LSAMP: variants seen among roughly 807,000 people sequenced by gnomAD.
LSAMP encodes the protein limbic system-associated membrane protein.
LSAMP carries 7 observed loss-of-function variants against 38.6 expected under a neutral mutation model. The observed-to-expected ratio is 0.18, with a 90% CI of 0.10 to 0.34. The LOEUF is 0.34. Ranked by LOEUF, LSAMP falls within the 10% of genes least tolerant of loss-of-function variation. LSAMP has a pLI of 1.00. For synonymous variants in LSAMP, 154 were observed against 166.8 expected (o/e 0.92, Z 0.59); for missense variants, 313 against 420.0 (o/e 0.75, Z 2.23).
intron 1 of LSAMP, among the ~76,000 whole-genome samples, chr3:116,243,159 G>C (rs1187119924): frequency 1.3e-5 from 2 of 152,174 alleles, no homozygotes; most frequent in South Asian, 2.1e-4. Flanking sequence ...ATGCACGTCT[G>C]TCCTGGGGAT....
At chr3:116,299,363 C>T (rs942840031) in intron 1 of LSAMP, among the ~76,000 whole-genome samples, 1 of 152,142 alleles carries the variant, frequency 6.6e-6, no homozygotes, top group Non-Finnish European at 1.5e-5. Context: ...GCAAATATTA[C>T]GAAAACACTG....
chr3:115,984,297 C>G (rs999582297), intron 3 of LSAMP, among the ~76,000 whole-genome samples: 1 of 151,948 alleles, frequency 6.6e-6, no homozygotes, highest in South Asian at 2.1e-4. Context: ...ATATTAAAAT[C>G]GTTTATTTTG....
At chr3:115,905,590 C>T (rs968004221) in intron 3 of LSAMP, among the ~76,000 whole-genome samples, 4 of 152,026 alleles carry the variant, frequency 2.6e-5, no homozygotes, top group Non-Finnish European at 5.9e-5. Context: ...TGATCCTTTG[C>T]TACTGAGTCA....
intron 1 of LSAMP, among the ~76,000 whole-genome samples, chr3:116,401,455 T>C (rs1448542932): frequency 6.6e-6 from 1 of 152,146 alleles, no homozygotes; most frequent in South Asian, 2.1e-4. Context: ...CTAATCTTTG[T>C]ATAATTTGTA....
At chr3:116,416,742 A>G (rs1285654424) in intron 1 of LSAMP, among the ~76,000 whole-genome samples, 1 of 151,930 alleles carries the variant, frequency 6.6e-6, no homozygotes, top group Admixed American at 6.5e-5. Flanking sequence ...GTGATTTATC[A>G]CCTCCTGGGT....
chr3:116,175,450 G>A (rs67853012), intron 1 of LSAMP, among the ~76,000 whole-genome samples: 18 of 151,674 alleles, frequency 1.2e-4, no homozygotes, highest in Admixed American at 3.3e-4. Flanking sequence ...AACTATAGTC[G>A]TCCTACAATG....
intron 1 of LSAMP, among the ~76,000 whole-genome samples, chr3:116,101,989 C>A (rs1469880941): frequency 6.6e-6 from 1 of 152,188 alleles, no homozygotes; most frequent in Non-Finnish European, 1.5e-5. Flanking sequence ...AATCAGTTTT[C>A]TCACTGATCT....
At chr3:116,129,098 C>T (rs552842090) in intron 1 of LSAMP, among the ~76,000 whole-genome samples, 1 of 152,034 alleles carries the variant, frequency 6.6e-6, no homozygotes, top group Non-Finnish European at 1.5e-5. Flanking sequence ...ATTTATGATA[C>T]CCCTTGAAAA....
chr3:116,208,667 G>A (rs2046104865), intron 1 of LSAMP, among the ~76,000 whole-genome samples: 4 of 152,268 alleles, frequency 2.6e-5, no homozygotes, highest in South Asian at 2.1e-4. Flanking sequence ...GCCGTGTGAG[G>A]TGTCAGTGTG....
rs552596431 is a variant in LSAMP, at chr3:116,336,775, C to A, written c.155+108102G>T. Among the ~76,000 whole-genome samples, 25 of 151,900 alleles carry A rather than the reference C, an allele frequency of 1.6e-4. 1 individual carries two copies. Among genetic ancestry groups the A allele is most frequent in the African/African-American group, 6.0e-4 (25 of 41,486 alleles). ...AAAATAGAATTACCATATGAAAATG[C>A]AATTCCACTTCTAGGTATAAACTCA... On this transcript the variant is annotated intron_variant, in intron 1 of 6. Transcript: ENST00000490035.
intron 3 of LSAMP, among the ~76,000 whole-genome samples, chr3:115,929,019 G>T (rs534658244): frequency 7.4e-6 from 1 of 136,026 alleles, no homozygotes; most frequent in Non-Finnish European, 1.5e-5. Flanking sequence ...GTTAGGTAGC[G>T]CTTAGCTGTA....
intron 1 of LSAMP, among the ~76,000 whole-genome samples, chr3:116,266,090 C>T (rs953974031): frequency 6.6e-6 from 1 of 152,150 alleles, no homozygotes; most frequent in Non-Finnish European, 1.5e-5. Context: ...TCCCCAGGGT[C>T]ACAATTACTT....
At chr3:115,891,744 G>A (rs78382729) in intron 3 of LSAMP, among the ~76,000 whole-genome samples, 36 of 152,006 alleles carry the variant, frequency 2.4e-4, no homozygotes, top group African/African-American at 8.0e-4. Flanking sequence ...GCAAAAATAT[G>A]ATATTTTAAT....
At chr3:116,107,620 G>C (rs954871192) in intron 1 of LSAMP, among the ~76,000 whole-genome samples, 6 of 152,160 alleles carry the variant, frequency 3.9e-5, no homozygotes, top group African/African-American at 1.4e-4. Context: ...ATTATGCCGA[G>C]ATATGTAACA....
At chr3:115,911,485 G>A (rs1937134245) in intron 3 of LSAMP, among the ~76,000 whole-genome samples, 1 of 152,106 alleles carries the variant, frequency 6.6e-6, no homozygotes, top group South Asian at 2.1e-4. Context: ...CTGAGTAGCT[G>A]GGACTACAGG....
chr3:115,934,323 G>A (rs10934316), intron 3 of LSAMP, among the ~76,000 whole-genome samples: 27,042 of 151,498 alleles, frequency 0.18, 3,106 homozygotes, highest in East Asian at 0.52. Flanking sequence ...GATTACAGGC[G>A]CCCGCCACCA....
At chr3:115,947,416 G>A (rs1188396375) in intron 3 of LSAMP, among the ~76,000 whole-genome samples, 1 of 152,160 alleles carries the variant, frequency 6.6e-6, no homozygotes, top group African/African-American at 2.4e-5. Context: ...CTGAGTGAAA[G>A]ATGTCAAACA....
intron 2 of LSAMP, among the ~76,000 whole-genome samples, chr3:116,062,278 G>A (rs533234532): frequency 6.6e-6 from 1 of 152,274 alleles, no homozygotes; most frequent in African/African-American, 2.4e-5. Flanking sequence ...GGACACCAAG[G>A]CAGGCAGATC....
At chr3:116,160,698 AT>A (rs1274150685) in intron 1 of LSAMP, among the ~76,000 whole-genome samples, 4 of 152,222 alleles carry the variant, frequency 2.6e-5, no homozygotes, top group African/African-American at 9.6e-5. Flanking sequence ...TTTGGAATAT[AT>A]TTGGCAACAC....
Sources: allele counts gnomAD v4.1 joint callset (sites outside exome capture counted in the v4.1 genomes callset), GRCh38; gene constraint gnomAD v4.1.1; transcripts MANE v1.5; gene names NCBI Gene and HGNC (gene_info 2026-07-23, HGNC 2026-07-21).